MPP2: variants seen among roughly 807,000 people sequenced by gnomAD.
The protein encoded by MPP2 is MAGUK p55 subfamily member 2.
In MPP2, 42 loss-of-function variants were observed where a neutral mutation model predicts 58.5. The ratio of observed to expected loss-of-function variants is 0.72; its 90% CI spans 0.56 to 0.93. The LOEUF (loss-of-function observed/expected upper bound fraction) is 0.93. Among genes scored for constraint, MPP2 ranks in the 40% least tolerant of loss-of-function variants. The pLI, the probability that MPP2 is intolerant of heterozygous loss-of-function variation, is 0.00. For synonymous variants in MPP2, 300 were observed against 307.8 expected (o/e 0.97, Z 0.26); for missense variants, 632 against 760.4 (o/e 0.83, Z 1.99).
Position 43,883,057 on chromosome 17 carries a change from G to C in MPP2, c.304-5C>G. On this transcript the variant is annotated splice_region_variant and splice_polypyrimidine_tract_variant and intron_variant, in intron 4 of 12. Transcript: ENST00000269095. ...GTCGTGCGTCTCCAGGAGGGACTGG[G>C]GGGTGGTGGGAAGAGAAGGGACAAT... 2.5e-6 allele frequency: 4 copies of C among 1,609,574 alleles called. No homozygotes were observed. Among genetic ancestry groups the C allele is most frequent in the Non-Finnish European group, 3.4e-6 (4 of 1,177,936 alleles).
chr17:43,906,545 A>G (rs1440688380), intron 1 of MPP2, among the ~76,000 whole-genome samples: 1 of 152,162 alleles, frequency 6.6e-6, no homozygotes, highest in Non-Finnish European at 1.5e-5. Context: ...CCCTCCATCC[A>G]TACACATACA....
At chr17:43,907,557 G>A, upstream of MPP2, 1 of 985,538 alleles carries the variant, frequency 1.0e-6, no homozygotes, top group Non-Finnish European at 1.2e-6. Context: ...CGCTAGCCCG[G>A]CTCTTAAAGC....
Position 43,879,967 on chromosome 17 carries a change from T to C in MPP2, c.1168A>G (p.Lys390Glu). 1 of 1,613,992 alleles carries C rather than the reference T, an allele frequency of 6.2e-7. No homozygotes were observed. Among genetic ancestry groups the C allele is most frequent in the Non-Finnish European group, 8.5e-7 (1 of 1,179,962 alleles). Residue 390 changes from lysine to glutamate, a missense_variant, in exon 11 of 13, where the codon AAA becomes GAA. Coordinates refer to ENST00000269095, the MANE Select transcript of MPP2 (RefSeq NM_005374.5). The surrounding 1 kb of genome is among the most constrained non-coding windows in gnomAD (Gnocchi z 4.1). ...CCCTGACCTTCCCGCTCTGAGTCTTTCGGCCGCCGGGAGGTGTCTAGGGGG... is the reference window on the plus strand; with the variant it reads ...CCCTGACCTTCCCGCTCTGAGTCTTCCGGCCGCCGGGAGGTGTCTAGGGGG... Reference protein sequence around the residue: ...TTVPYTSRRPKDSEREGQGYS... With the variant: ...TTVPYTSRRPEDSEREGQGYS...
chr17:43,908,215 TA>T (rs1273965225), upstream of MPP2, among the ~76,000 whole-genome samples: 3 of 152,174 alleles, frequency 2.0e-5, no homozygotes, highest in African/African-American at 7.2e-5. Flanking sequence ...AATAAAGGGT[TA>T]AACCCACTGG....
chr17:43,891,153 C>T (rs754865127), intron 3 of MPP2, among the ~76,000 whole-genome samples: 1 of 152,110 alleles, frequency 6.6e-6, no homozygotes, highest in African/African-American at 2.4e-5. Context: ...TCCACCCTAG[C>T]CTCCCCACAG....
chr17:43,906,202 TGC>T, intron 1 of MPP2: 1 of 924,696 alleles, frequency 1.1e-6, no homozygotes, highest in Non-Finnish European at 1.3e-6. Context: ...ATGAAATCCC[TGC>T]GCTCGGAAGT....
At chr17:43,896,388 G>A (rs1220269952) in intron 3 of MPP2, among the ~76,000 whole-genome samples, 1 of 151,930 alleles carries the variant, frequency 6.6e-6, no homozygotes, top group African/African-American at 2.4e-5. Context: ...CCCTAGAACT[G>A]TCCTCCTTGG....
In MPP2 at chr17:43,882,522, G is replaced by C. The variant is rs758446298; in HGVS notation, c.454-11C>G. 6.2e-7 allele frequency: 1 copy of C among 1,601,170 alleles called. No individual in the cohort carries two copies. Among genetic ancestry groups the C allele is most frequent in the Admixed American group, 1.7e-5 (1 of 59,978 alleles). ...GCGGAACGTTACACCCTGGAGGTCA[G>C]AGGGAGTGTAAGATGAGGCCCCAAT... On this transcript the variant is annotated splice_polypyrimidine_tract_variant and intron_variant, in intron 5 of 12. Transcript: ENST00000269095.
At chr17:43,882,125 C>G (rs925786619) in intron 6 of MPP2, among the ~76,000 whole-genome samples, 159 bp downstream of exon 6, 5 of 152,224 alleles carry the variant, frequency 3.3e-5, no homozygotes, top group African/African-American at 1.2e-4. Flanking sequence ...GCGGCAGAGG[C>G]CTGTCGGCGG....
At chr17:43,891,514 CAA>C (rs779016006) in intron 3 of MPP2, among the ~76,000 whole-genome samples, 1 of 133,098 alleles carries the variant, frequency 7.5e-6, no homozygotes. Flanking sequence ...GACTCCGTCT[CAA>C]AAAAAAAAAA....
In MPP2 at chr17:43,879,829, C is replaced by G. The variant is rs759986569; in HGVS notation, c.1306G>C (p.Gly436Arg). ...CACACCTTCCCAGCAGCGACCACGCCCCGGATGGAGTCAATACGTGTGCCA... is the reference window on the plus strand; with the variant it reads ...CACACCTTCCCAGCAGCGACCACGCGCCGGATGGAGTCAATACGTGTGCCA... The part of the protein sequence containing the change: ...LYGTRIDSIR[G>R]VVAAGKVCVL... The change falls in exon 11 of 13, where the codon GGC becomes CGC. Residue 436 changes from glycine to arginine, a missense_variant. Physicochemically the swap from Gly to Arg is moderately radical, Grantham distance 125 (BLOSUM62 -2). Transcript: ENST00000269095. The surrounding 1 kb of genome is among the most constrained non-coding windows in gnomAD (Gnocchi z 4.1). The G allele has an allele frequency of 6.2e-7, 1 of 1,613,966 alleles. No homozygotes were observed.
intron 2 of MPP2, chr17:43,901,248 C>A: frequency 1.0e-6 from 1 of 985,342 alleles, no homozygotes; most frequent in Non-Finnish European, 1.2e-6. Flanking sequence ...GAGGTGGCAT[C>A]GCTGTGGGTA....
At chr17:43,892,700 T>A (rs1210277045) in intron 3 of MPP2, among the ~76,000 whole-genome samples, 1 of 152,172 alleles carries the variant, frequency 6.6e-6, no homozygotes, top group African/African-American at 2.4e-5. Context: ...TCTCTTCTAT[T>A]GTGCTCTACA....
chr17:43,900,443 CG>C, intron 2 of MPP2: 1 of 1,546,078 alleles, frequency 6.5e-7, no homozygotes, highest in Non-Finnish European at 8.7e-7. Context: ...CCAGCTGCCC[CG>C]CCCCCATCTG....
rs2048209419 is a variant in MPP2 at position 43,904,349 on chromosome 17, TGTGCAA to T, written c.31+75_31+80del. 3 of 1,350,642 alleles carry T rather than the reference TGTGCAA, an allele frequency of 2.2e-6. No homozygotes were observed. In the South Asian group the frequency reaches 3.6e-5, roughly 16 times the overall value. 83.7% of individuals were successfully genotyped at this position (1,350,642 alleles called of 1,614,324 possible). A position where few individuals can be genotyped will look rare whatever the true frequency, so the allele number is the denominator to read the frequency against. ...GAGCCAGTTGGTTCTTATCTGGAGC[TGTGCAA>T]GTGCCCACCCCTAAGTCCTCGCCTG... On this transcript the variant is annotated intron_variant, in intron 2 of 12. Transcript: ENST00000269095.
Position 43,879,981 on chromosome 17 carries a change from G to T in MPP2, c.1154C>A (p.Thr385Asn). 6.2e-7 allele frequency: 1 copy of T among 1,614,006 alleles called. No individual in the cohort carries two copies. The highest frequency in any genetic ancestry group is 8.5e-7 in the Non-Finnish European group (1 of 1,179,966). Reference sequence around the variant, plus strand: ...CTCTGAGTCTTTCGGCCGCCGGGAGGTGTCTAGGGGGATGGGGGTAGGTTG... The same window carrying T: ...CTCTGAGTCTTTCGGCCGCCGGGAGTTGTCTAGGGGGATGGGGGTAGGTTG... ...PDRYGTTVPY[T>N]SRRPKDSERE... Residue 385 changes from threonine to asparagine, a missense_variant, in exon 11 of 13, where the codon ACC becomes AAC. Transcript: ENST00000269095. The surrounding 1 kb of genome is among the most constrained non-coding windows in gnomAD (Gnocchi z 4.1).
At chr17:43,895,355 A>G (rs949830158) in intron 3 of MPP2, among the ~76,000 whole-genome samples, 2 of 152,050 alleles carry the variant, frequency 1.3e-5, no homozygotes, top group African/African-American at 4.8e-5. Context: ...CAAATGATCC[A>G]CCCACCTTGG....
intron 3 of MPP2, among the ~76,000 whole-genome samples, chr17:43,894,616 G>GAAAA (rs36073194): frequency 4.5e-5 from 3 of 66,046 alleles, no homozygotes; most frequent in African/African-American, 5.7e-5. Flanking sequence ...GACTCCAGAG[G>GAAAA]AAAAAAAAAA....
upstream of MPP2, among the ~76,000 whole-genome samples, chr17:43,908,844 A>G (rs231475): frequency 7.9e-3 from 1,207 of 152,332 alleles, 42 homozygotes; most frequent in East Asian, 0.1. Context: ...TTCCAAGGGT[A>G]TAAGTTTGGA....
Sources: allele counts gnomAD v4.1 joint callset (sites outside exome capture counted in the v4.1 genomes callset), GRCh38; gene constraint gnomAD v4.1.1; non-coding constraint Gnocchi (gnomAD v3.1); transcripts MANE v1.5; gene names NCBI Gene and HGNC (gene_info 2026-07-23, HGNC 2026-07-21).